Variants in ASIC2 observed in about 807,000 individuals in gnomAD.
ASIC2 encodes the protein acid-sensing ion channel 2.
A neutral mutation model predicts 57.3 loss-of-function variants in ASIC2; 25 were observed. The ratio of observed to expected loss-of-function variants is 0.44; its 90% CI spans 0.32 to 0.61. The LOEUF (loss-of-function observed/expected upper bound fraction) is 0.61, where lower values mean the gene tolerates loss of function less well. ASIC2 is among the 20% of genes least tolerant of loss of function. ASIC2 has a pLI of 0.06. For synonymous variants in ASIC2, 319 were observed against 307.5 expected, an observed-to-expected ratio of 1.04 and a Z score of -0.39; for missense variants, 641 against 738.1, an observed-to-expected ratio of 0.87 and a Z score of 1.52.
At chr17:33,831,658 G>C (rs1004057638) in intron 1 of ASIC2, among the ~76,000 whole-genome samples, 1 of 151,676 alleles carries the variant, frequency 6.6e-6, no homozygotes, top group Admixed American at 6.6e-5. Context: ...TTTGGGAACT[G>C]TCAGTGTTTG....
At chr17:34,011,963 A>G (rs1906782801) in intron 1 of ASIC2, among the ~76,000 whole-genome samples, 1 of 152,146 alleles carries the variant, frequency 6.6e-6, no homozygotes, top group African/African-American at 2.4e-5. Flanking sequence ...TCAGTTGGGC[A>G]TTTTCACTCA....
intron 1 of ASIC2, among the ~76,000 whole-genome samples, chr17:33,209,363 GAA>G (rs374711675): frequency 3.3e-5 from 5 of 150,820 alleles, no homozygotes; most frequent in Admixed American, 6.6e-5. Flanking sequence ...CCTTGTGGGG[GAA>G]AAAAAAACCC....
intron 1 of ASIC2, among the ~76,000 whole-genome samples, chr17:33,458,860 A>G (rs997948579): frequency 6.6e-6 from 1 of 152,110 alleles, no homozygotes. Context: ...CTTTTCCTTC[A>G]TTTCTAGTAA....
At chr17:33,322,585 A>G (rs1312446848) in intron 1 of ASIC2, among the ~76,000 whole-genome samples, 1 of 152,214 alleles carries the variant, frequency 6.6e-6, no homozygotes, top group Non-Finnish European at 1.5e-5. Flanking sequence ...TCATTCATCC[A>G]TAATTTTCTG....
chr17:33,994,396 A>C (rs1295223222), intron 1 of ASIC2, among the ~76,000 whole-genome samples: 1 of 152,202 alleles, frequency 6.6e-6, no homozygotes, highest in African/African-American at 2.4e-5. Context: ...GGACATGACC[A>C]AAGTAGACCG....
At chr17:33,235,238 A>G (rs1908248084) in intron 1 of ASIC2, among the ~76,000 whole-genome samples, 1 of 152,138 alleles carries the variant, frequency 6.6e-6, no homozygotes, top group Non-Finnish European at 1.5e-5. Flanking sequence ...GTCAGTGTGC[A>G]CCTTCTCCCT....
intron 1 of ASIC2, among the ~76,000 whole-genome samples, chr17:34,104,651 T>C (rs1910980550): frequency 6.6e-6 from 1 of 152,100 alleles, no homozygotes; most frequent in African/African-American, 2.4e-5. Flanking sequence ...TATTCCAATT[T>C]GCTGAGAATT....
At chr17:33,851,942 C>A (rs317410) in intron 1 of ASIC2, among the ~76,000 whole-genome samples, 46,156 of 152,080 alleles carry the variant, frequency 0.3, 7,322 homozygotes, top group East Asian at 0.48. Context: ...TTTCCGTGAC[C>A]AGGGCAAGAG....
chr17:33,262,791 A>T (rs914600243), intron 1 of ASIC2, among the ~76,000 whole-genome samples: 3 of 152,196 alleles, frequency 2.0e-5, no homozygotes, highest in Non-Finnish European at 4.4e-5. Context: ...TATAAGGGAA[A>T]AGAATAAAGT....
intron 1 of ASIC2, among the ~76,000 whole-genome samples, chr17:33,809,394 A>C (rs1912357215): frequency 6.6e-6 from 1 of 152,244 alleles, no homozygotes; most frequent in Non-Finnish European, 1.5e-5. Context: ...GTGTGGATTC[A>C]TAGGCATTTC....
Position 33,950,078 on chromosome 17 carries a change from C to A in ASIC2, c.555+205900G>T, listed in dbSNP as rs564385851. Among the ~76,000 whole-genome samples, 25 of 152,310 alleles carry A rather than the reference C, an allele frequency of 1.6e-4. No homozygotes were observed. The South Asian group carries it at 5.2e-3, about 32-fold the overall frequency. On this transcript the variant is annotated intron_variant, in intron 1 of 9. Transcript: ENST00000359872. ...AGAACAGTCCTGAGGCTGCCAGAGG[C>A]AGAGGGCTCTAAGAGGTTGAACCAT... is the stretch of plus-strand genomic sequence containing the variant.
intron 1 of ASIC2, among the ~76,000 whole-genome samples, chr17:33,132,328 C>G (rs549023022): frequency 6.6e-6 from 1 of 152,290 alleles, no homozygotes; most frequent in South Asian, 2.1e-4. Flanking sequence ...TGGTATTACC[C>G]TCCATCTTAC....
At chr17:33,180,903 C>A (rs563003687) in intron 1 of ASIC2, among the ~76,000 whole-genome samples, 5 of 152,302 alleles carry the variant, frequency 3.3e-5, no homozygotes, top group African/African-American at 9.6e-5. Context: ...ATGCTCTGCT[C>A]CTTCTGGTCT....
chr17:33,696,634 CAG>C (rs1908538530), intron 1 of ASIC2, among the ~76,000 whole-genome samples: 1 of 152,172 alleles, frequency 6.6e-6, no homozygotes, highest in African/African-American at 2.4e-5. Flanking sequence ...TTGAACAATG[CAG>C]AGTTGGGGTG....
intron 1 of ASIC2, among the ~76,000 whole-genome samples, chr17:33,913,230 C>T (rs1915506952): frequency 6.6e-6 from 1 of 151,936 alleles, no homozygotes; most frequent in Admixed American, 6.6e-5. Context: ...TAGCACAGCA[C>T]TTGATGTGTA....
chr17:34,138,153 G>C (rs1698305981), intron 1 of ASIC2, among the ~76,000 whole-genome samples: 1 of 152,124 alleles, frequency 6.6e-6, no homozygotes, highest in Admixed American at 6.5e-5. Context: ...ACGAGACCAT[G>C]AGCTGTGAGA....
At chr17:33,612,258 G>A (rs149459670) in intron 1 of ASIC2, among the ~76,000 whole-genome samples, 15 of 152,264 alleles carry the variant, frequency 9.9e-5, no homozygotes, top group African/African-American at 2.9e-4. Flanking sequence ...AAATATCTGA[G>A]CACCCTGTGG....
intron 1 of ASIC2, among the ~76,000 whole-genome samples, chr17:33,540,683 G>A (rs9913133): frequency 0.089 from 13,592 of 152,110 alleles, 1,621 homozygotes; most frequent in African/African-American, 0.27. Flanking sequence ...CTAGGTGGGC[G>A]GGTATAGGTT....
intron 1 of ASIC2, among the ~76,000 whole-genome samples, chr17:33,887,344 A>C (rs895872762): frequency 6.6e-6 from 1 of 152,184 alleles, no homozygotes; most frequent in African/African-American, 2.4e-5. Context: ...AAATGGATAC[A>C]CTATGATCAG....
Sources: gnomAD v4.1 joint callset for allele counts (sites outside exome capture counted in the v4.1 genomes callset) on GRCh38, gnomAD v4.1.1 for gene constraint, MANE v1.5 for transcripts, NCBI Gene and HGNC (gene_info 2026-07-23, HGNC 2026-07-21) for gene names.